TIAM2: variants seen among roughly 807,000 people sequenced by gnomAD.
TIAM2 encodes rho guanine nucleotide exchange factor TIAM2.
Under a neutral mutation model 152.9 loss-of-function variants are expected in TIAM2, and 80 were observed. That is an observed-to-expected ratio of 0.52 (90% CI 0.44 to 0.63). The LOEUF (loss-of-function observed/expected upper bound fraction) is 0.63. TIAM2 is among the 30% of genes least tolerant of loss of function. The pLI is 0.00. For synonymous variants in TIAM2, 804 were observed against 838.0 expected (o/e 0.96, Z 0.70); for missense variants, 1,965 against 2,120.1 (o/e 0.93, Z 1.44).
chr6:155,226,855 C>T (rs937225224), intron 15 of TIAM2, among the ~76,000 whole-genome samples: 1 of 152,200 alleles, frequency 6.6e-6, no homozygotes, highest in Non-Finnish European at 1.5e-5. Context: ...GGCTTGGTTT[C>T]TTCTGGAGAA....
At chr6:155,223,066 T>C (rs1177810049) in intron 15 of TIAM2, among the ~76,000 whole-genome samples, 1 of 152,144 alleles carries the variant, frequency 6.6e-6, no homozygotes, top group Non-Finnish European at 1.5e-5. Flanking sequence ...AGCAGACCAT[T>C]TGAGAATCTG....
chr6:155,221,389 C>T (rs1220149630), intron 15 of TIAM2, among the ~76,000 whole-genome samples: 1 of 152,182 alleles, frequency 6.6e-6, no homozygotes, highest in African/African-American at 2.4e-5. Flanking sequence ...GGAGACTACT[C>T]AGAGCTGAGG....
chr6:155,192,154 A>G (rs1781222626), intron 14 of TIAM2, among the ~76,000 whole-genome samples: 1 of 152,172 alleles, frequency 6.6e-6, no homozygotes, highest in African/African-American at 2.4e-5. Flanking sequence ...GAATGCAGGC[A>G]GCCTCTAGAA....
In TIAM2 at chr6:154,995,836, A is replaced by G. The variant is rs953583894; in HGVS notation, c.-209+344A>G. On this transcript the variant is annotated intron_variant, in intron 1 of 26. Transcript: ENST00000682666. This position sits in a 1 kb window ranked among gnomAD's most constrained non-coding sequence, Gnocchi z 5.2. ...CCCCGGTCCCATCCCGGATGGGAGG[A>G]GGCGGCGCCCCGGCCTCCTGATACC... Among the ~76,000 whole-genome samples, 41 of 151,952 alleles carry G rather than the reference A, an allele frequency of 2.7e-4. 1 individual carries two copies. Among genetic ancestry groups the G allele is most frequent in the Admixed American group, 2.5e-3 (38 of 15,276 alleles).
intron 5 of TIAM2, among the ~76,000 whole-genome samples, chr6:155,138,965 G>C (rs1305864721): frequency 1.3e-5 from 2 of 152,150 alleles, no homozygotes; most frequent in Non-Finnish European, 2.9e-5. Context: ...GAAGAGAGAA[G>C]CTCCAAATCT....
chr6:155,181,343 T>C (rs1036624805), intron 12 of TIAM2, among the ~76,000 whole-genome samples: 4 of 152,246 alleles, frequency 2.6e-5, no homozygotes, highest in African/African-American at 9.6e-5. Context: ...TTTTTCACCT[T>C]CTTAAAATGC....
chr6:155,140,581 A>T (rs868671736), intron 5 of TIAM2, among the ~76,000 whole-genome samples: 3,967 of 131,854 alleles, frequency 0.03, 54 homozygotes, highest in Middle Eastern at 0.071. Flanking sequence ...TGTGAGAGAG[A>T]GAGAGAGAGA....
intron 1 of TIAM2, among the ~76,000 whole-genome samples, chr6:155,036,931 A>T (rs1269573962): frequency 2.6e-5 from 4 of 152,136 alleles, no homozygotes; most frequent in African/African-American, 9.7e-5. Context: ...AGAAATTCTT[A>T]AAGTTCAGAC....
chr6:155,055,632 A>G (rs1185750911), intron 1 of TIAM2, among the ~76,000 whole-genome samples: 2 of 152,110 alleles, frequency 1.3e-5, no homozygotes, highest in Non-Finnish European at 2.9e-5. Flanking sequence ...GTGTTAATGA[A>G]TGAAGGTATT....
intron 1 of TIAM2, among the ~76,000 whole-genome samples, chr6:155,035,173 T>C (rs1188247742): frequency 7.1e-6 from 1 of 141,184 alleles, no homozygotes; most frequent in Non-Finnish European, 1.6e-5. Context: ...GTGCAAGTGA[T>C]GTAAGTTTTG....
chr6:155,094,582 C>G (rs1193164574), intron 2 of TIAM2, among the ~76,000 whole-genome samples: 1 of 115,174 alleles, frequency 8.7e-6, no homozygotes, highest in Non-Finnish European at 1.7e-5. Flanking sequence ...GACAGGGTCT[C>G]ACTGTTACCC....
At position 155,129,167 on chromosome 6, in the gene TIAM2, T is replaced by C. The variant is rs186463585; in HGVS notation, c.-6-51T>C. On this transcript the variant is annotated intron_variant, in intron 3 of 26. Transcript: ENST00000682666. This position sits in a 1 kb window ranked among gnomAD's most constrained non-coding sequence, Gnocchi z 4.8. ...TTCTTTTTAGAAAGTTCTGTCATAA[T>C]GGAATGTAATTTAGGCCACGGTCTT... 6.5e-5 allele frequency: 99 copies of C among 1,526,656 alleles called. No individual in the cohort carries two copies. The East Asian group carries it at 1.6e-3, about 25-fold the overall frequency. 94.6% of individuals were successfully genotyped at this position (1,526,656 alleles called of 1,614,324 possible).
At chr6:155,143,277 TTG>T (rs1184336804) in intron 5 of TIAM2, among the ~76,000 whole-genome samples, 1 of 152,230 alleles carries the variant, frequency 6.6e-6, no homozygotes, top group Non-Finnish European at 1.5e-5. Context: ...TGCTTAAAAA[TTG>T]TGTCTAATAA....
intron 26 of TIAM2, 27 bp downstream of exon 26, chr6:155,254,600 A>T: frequency 6.2e-7 from 1 of 1,602,666 alleles, no homozygotes; most frequent in Non-Finnish European, 8.5e-7. Flanking sequence ...CCTTGTGTTT[A>T]TTCAACAAAA....
Position 155,148,282 on chromosome 6 carries a change from T to G in TIAM2, c.1976T>G (p.Leu659Arg). 6.2e-7 allele frequency: 1 copy of G among 1,612,356 alleles called. No homozygotes were observed. ...MDSKMKKMAE[L>R]QLSVVSDPKN... ...AGCAAGATGAAGAAGATGGCAGAGC[T>G]GCAGCTGTCCGTGGTGAGCGACCCA... The change falls in exon 7 of 27, where the codon CTG becomes CGG. Residue 659 changes from leucine (L) to arginine (R), a missense_variant. This residue lies in a region of TIAM2 where 1,025 missense variants were observed against 1,119.4 expected (regional missense o/e 0.92). Transcript: ENST00000682666.
At chr6:155,006,364 T>C (rs955599255) in intron 1 of TIAM2, among the ~76,000 whole-genome samples, 5 of 151,248 alleles carry the variant, frequency 3.3e-5, no homozygotes, top group Admixed American at 6.6e-5. Context: ...TCAAGGCACT[T>C]TTTTTTTTCA....
intron 1 of TIAM2, among the ~76,000 whole-genome samples, chr6:155,074,876 AAAC>A (rs1322601055): frequency 3.3e-5 from 5 of 151,360 alleles, no homozygotes; most frequent in African/African-American, 1.2e-4. Context: ...AAAAAAAAAA[AAAC>A]CTCTGAGGAT....
intron 1 of TIAM2, among the ~76,000 whole-genome samples, chr6:155,088,619 T>C (rs1480544957): frequency 6.6e-6 from 1 of 152,140 alleles, no homozygotes; most frequent in African/African-American, 2.4e-5. Context: ...ACAATCTAAA[T>C]AACTGGGCTG....
At chr6:155,240,819 G>A in intron 16 of TIAM2, 110 bp downstream of exon 16, 3 of 1,148,526 alleles carry the variant, frequency 2.6e-6, no homozygotes, top group Admixed American at 2.4e-5. Flanking sequence ...CACTCCCCAG[G>A]GGGGGACACC....
Sources: gnomAD v4.1 joint callset for allele counts (sites outside exome capture counted in the v4.1 genomes callset) on GRCh38, gnomAD v4.1.1 for gene constraint, gnomAD v4.1.1 regional missense constraint, Gnocchi (gnomAD v3.1) non-coding constraint, MANE v1.5 for transcripts, NCBI Gene and HGNC (gene_info 2026-07-23, HGNC 2026-07-21) for gene names.